The following PCDH11X variants were observed in gnomAD, a reference collection of about 807,000 sequenced individuals.
The protein encoded by PCDH11X is protocadherin 11 X-linked, also known as protocadherin-11 X-linked.
Under a neutral mutation model 53.3 loss-of-function variants are expected in PCDH11X, and 18 were observed. The observed-to-expected ratio is 0.34, with a 90% confidence interval of 0.23 to 0.50. The LOEUF is 0.50. Ranked by LOEUF, PCDH11X falls within the 20% of genes least tolerant of loss-of-function variation. The pLI is 0.98. For missense variants in PCDH11X, 570 were observed against 1,032.4 expected, an observed-to-expected ratio of 0.55 and a Z score of 6.14; for synonymous variants, 279 against 393.3, an observed-to-expected ratio of 0.71 and a Z score of 3.44.
chrX:92,191,860 G>A (rs1008700845), intron 6 of PCDH11X, among the ~76,000 whole-genome samples: 20 of 111,631 alleles, frequency 1.8e-4, no homozygotes, highest in African/African-American at 6.5e-4. Flanking sequence ...AAATAATTAA[G>A]CACAAATAGC....
intron 9 of PCDH11X, among the ~76,000 whole-genome samples, chrX:92,426,708 G>A (rs1288234946): frequency 9.1e-6 from 1 of 109,323 alleles, no homozygotes; most frequent in East Asian, 2.9e-4. Flanking sequence ...GCAAAAACAG[G>A]GTATTGCATA....
chrX:92,011,523 C>T (rs34520624), intron 6 of PCDH11X, among the ~76,000 whole-genome samples: 3 of 112,180 alleles, frequency 2.7e-5, no homozygotes, highest in East Asian at 2.8e-4. Flanking sequence ...AAAGAAAATG[C>T]GTTCTAAATT....
At chrX:92,289,000 C>T (rs1200315326) in intron 8 of PCDH11X, among the ~76,000 whole-genome samples, 32 of 111,378 alleles carry the variant, frequency 2.9e-4, no homozygotes, top group Non-Finnish European at 5.1e-4. Context: ...AGCTAAAATA[C>T]TGAAAATATT....
intron 6 of PCDH11X, among the ~76,000 whole-genome samples, chrX:92,141,723 T>C (rs189625610): frequency 8.0e-5 from 9 of 112,094 alleles, no homozygotes; most frequent in African/African-American, 2.6e-4. Context: ...AATGCAATAT[T>C]TTTATAATAC....
intron 10 of PCDH11X, among the ~76,000 whole-genome samples, chrX:92,495,134 A>G (rs1291370331): frequency 1.3e-4 from 14 of 109,871 alleles, no homozygotes; most frequent in Non-Finnish European, 2.7e-4. Context: ...ATATACTGAT[A>G]CAATCCTTTC....
At chrX:92,176,966 CT>C (rs1190451993) in intron 6 of PCDH11X, among the ~76,000 whole-genome samples, 21 of 97,411 alleles carry the variant, frequency 2.2e-4, no homozygotes, top group East Asian at 9.9e-4. Context: ...TTTTTTTTTT[CT>C]TTTTTTTTTG....
chrX:92,379,604 C>G (rs2070827287), intron 8 of PCDH11X, among the ~76,000 whole-genome samples: 1 of 110,897 alleles, frequency 9.0e-6, no homozygotes, highest in Non-Finnish European at 1.9e-5. Context: ...TGGTGAAGTC[C>G]CACCTTCCGG....
Position 92,068,982 on chromosome X carries a change from A to G in PCDH11X, c.3034-132393A>G, listed in dbSNP as rs1028509688. The stretch of plus-strand genomic sequence containing the variant: ...CTGTTTGATGAAATGTTCTGTAAAT[A>G]TTAGTTCCATTTGTTCTACTATGCA... On this transcript the variant is annotated intron_variant, in intron 6 of 10. Transcript: ENST00000682573. Among the ~76,000 whole-genome samples, 8 of 111,006 alleles carry G rather than the reference A, an allele frequency of 7.2e-5. No individual in the cohort carries two copies. The Admixed American group carries it at 7.7e-4, about 11-fold the overall frequency.
rs757733216 is a variant in PCDH11X at position 92,226,501 on chromosome X, C to A, written c.3114+25046C>A. 4.5e-5 allele frequency among the ~76,000 whole-genome samples: 5 copies of A among 111,516 alleles called. No homozygotes were observed. The East Asian group carries it at 1.4e-3, about 31-fold the overall frequency. On this transcript the variant is annotated intron_variant, in intron 7 of 10. Transcript: ENST00000682573. ...CAAGGTAGTATAGCGAATTTCTTTACGGCCAGTTCTTATTGGAATTAAAAT... is the reference window on the plus strand; with the variant it reads ...CAAGGTAGTATAGCGAATTTCTTTAAGGCCAGTTCTTATTGGAATTAAAAT...
At chrX:92,149,139 A>T (rs1290651405) in intron 6 of PCDH11X, among the ~76,000 whole-genome samples, 1 of 110,769 alleles carries the variant, frequency 9.0e-6, no homozygotes, top group African/African-American at 3.3e-5. Flanking sequence ...TGGGTCTGAA[A>T]GTTGCCTGAC....
intron 10 of PCDH11X, among the ~76,000 whole-genome samples, chrX:92,555,936 A>G (rs1261673433): frequency 2.7e-5 from 3 of 110,311 alleles, no homozygotes; most frequent in African/African-American, 9.9e-5. Context: ...TGGAGGCCTC[A>G]GGAAACTCAC....
chrX:92,157,329 A>G (rs2065555549), intron 6 of PCDH11X, among the ~76,000 whole-genome samples: 1 of 111,726 alleles, frequency 9.0e-6, no homozygotes, highest in African/African-American at 3.3e-5. Flanking sequence ...GTAAATAATG[A>G]TTTAATTGCA....
chrX:92,271,711 C>T (rs2067963742), intron 8 of PCDH11X, among the ~76,000 whole-genome samples: 1 of 112,241 alleles, frequency 8.9e-6, no homozygotes, highest in Non-Finnish European at 1.9e-5. Flanking sequence ...CTCTTACAGT[C>T]ATATTTTGGC....
chrX:91,806,351 C>T (rs943339853), intron 1 of PCDH11X, among the ~76,000 whole-genome samples: 35 of 113,412 alleles, frequency 3.1e-4, no homozygotes, highest in South Asian at 7.0e-4. Flanking sequence ...TCACCTTTCA[C>T]GGTTGTGACA....
At chrX:92,228,640 C>T (rs1195175440) in intron 7 of PCDH11X, among the ~76,000 whole-genome samples, 1 of 105,713 alleles carries the variant, frequency 9.5e-6, no homozygotes, top group Non-Finnish European at 2.0e-5. Flanking sequence ...ATGATACTAC[C>T]ATACCTGATG....
At chrX:92,175,605 C>A (rs1481379276) in intron 6 of PCDH11X, among the ~76,000 whole-genome samples, 1 of 108,852 alleles carries the variant, frequency 9.2e-6, no homozygotes, top group Admixed American at 9.9e-5. Flanking sequence ...ATATTTATAT[C>A]TATATATCTA....
chrX:92,580,073 G>A (rs1302858248), intron 10 of PCDH11X, among the ~76,000 whole-genome samples: 7 of 104,749 alleles, frequency 6.7e-5, no homozygotes, highest in African/African-American at 2.6e-4. Flanking sequence ...GGTGTCACCA[G>A]TGGAGGCTGC....
At chrX:92,015,324 T>A (rs1052889817) in intron 6 of PCDH11X, among the ~76,000 whole-genome samples, 3 of 111,445 alleles carry the variant, frequency 2.7e-5, no homozygotes, top group African/African-American at 9.8e-5. Flanking sequence ...AAGTTTGGAG[T>A]AGTTGTGACA....
chrX:92,006,526 A>T (rs963147598), intron 6 of PCDH11X, among the ~76,000 whole-genome samples: 1 of 110,517 alleles, frequency 9.0e-6, no homozygotes, highest in African/African-American at 3.3e-5. Flanking sequence ...TGTTATCTTG[A>T]CCTTTTTTTG....
Sources: gnomAD v4.1 joint callset for allele counts (sites outside exome capture counted in the v4.1 genomes callset) on GRCh38, gnomAD v4.1.1 for gene constraint, MANE v1.5 for transcripts, NCBI Gene and HGNC (gene_info 2026-07-23, HGNC 2026-07-21) for gene names.